Variants in DLG2 observed in about 807,000 individuals in gnomAD.
DLG2 encodes the protein discs large MAGUK scaffold protein 2.
In DLG2, 45 loss-of-function variants were observed where a neutral mutation model predicts 132.5. That is an observed-to-expected ratio of 0.34 (90% CI 0.27 to 0.44). The LOEUF is 0.44. DLG2 is among the 20% of genes least tolerant of loss of function. The pLI is 1.00. For missense variants in DLG2, 1,045 were observed against 1,196.9 expected (o/e 0.87, Z 1.87); for synonymous variants, 424 against 419.6 (o/e 1.01, Z -0.13).
intron 6 of DLG2, among the ~76,000 whole-genome samples, chr11:84,855,743 G>A (rs1195584842): frequency 6.6e-6 from 1 of 152,062 alleles, no homozygotes; most frequent in African/African-American, 2.4e-5. Flanking sequence ...TTACTGCTGA[G>A]TGACTGTTCT....
At chr11:83,516,407 C>T in intron 21 of DLG2, among the ~76,000 whole-genome samples, 1 of 152,114 alleles carries the variant, frequency 6.6e-6, no homozygotes, top group East Asian at 1.9e-4. Flanking sequence ...TTATTTTGAG[C>T]CTATGTGTGT....
At chr11:85,401,367 C>A (rs961624520) in intron 3 of DLG2, among the ~76,000 whole-genome samples, 1 of 152,050 alleles carries the variant, frequency 6.6e-6, no homozygotes, top group Non-Finnish European at 1.5e-5. Flanking sequence ...TTATGATAAA[C>A]CCACAGCCAA....
At chr11:83,568,938 A>G (rs2143358148) in intron 19 of DLG2, among the ~76,000 whole-genome samples, 1 of 152,318 alleles carries the variant, frequency 6.6e-6, no homozygotes, top group East Asian at 1.9e-4. Flanking sequence ...CCCTACTTCC[A>G]TAATCATTTA....
chr11:84,530,189 A>C (rs2099332290), intron 7 of DLG2, among the ~76,000 whole-genome samples: 2 of 152,130 alleles, frequency 1.3e-5, no homozygotes, highest in South Asian at 4.1e-4. Context: ...AACTATAAAC[A>C]CCCAGAAAGA....
chr11:83,465,536 T>A (rs2090861865), intron 26 of DLG2, among the ~76,000 whole-genome samples: 1 of 152,166 alleles, frequency 6.6e-6, no homozygotes, highest in South Asian at 2.1e-4. Context: ...AAGGCCCTCA[T>A]GACAGACACA....
intron 6 of DLG2, among the ~76,000 whole-genome samples, chr11:85,110,835 A>C (rs531005146): frequency 6.6e-6 from 1 of 152,220 alleles, no homozygotes; most frequent in African/African-American, 2.4e-5. Context: ...ATTGCCTACA[A>C]GGGGAGTCAA....
intron 6 of DLG2, among the ~76,000 whole-genome samples, chr11:84,564,940 T>TGTGA (rs1450306355): frequency 6.6e-6 from 1 of 152,204 alleles, no homozygotes; most frequent in Non-Finnish European, 1.5e-5. Context: ...TATATGACTG[T>TGTGA]GTGATACATA....
chr11:84,632,147 G>C (rs1443121425), intron 6 of DLG2, among the ~76,000 whole-genome samples: 1 of 152,130 alleles, frequency 6.6e-6, no homozygotes, highest in Non-Finnish European at 1.5e-5. Flanking sequence ...GAAGTTTGCT[G>C]TGTTGAAATA....
At chr11:83,905,695 A>G (rs1849025717) in intron 15 of DLG2, among the ~76,000 whole-genome samples, 1 of 152,112 alleles carries the variant, frequency 6.6e-6, no homozygotes, top group African/African-American at 2.4e-5. Context: ...TGCCTAATTT[A>G]TTGTTAAGCA....
intron 3 of DLG2, among the ~76,000 whole-genome samples, chr11:85,509,785 A>G (rs1012360056): frequency 1.3e-5 from 2 of 152,084 alleles, no homozygotes; most frequent in Admixed American, 6.6e-5. Context: ...TGAATCACTG[A>G]TGAATTAAAA....
At chr11:84,601,311 T>C (rs2099576115) in intron 6 of DLG2, among the ~76,000 whole-genome samples, 1 of 152,064 alleles carries the variant, frequency 6.6e-6, no homozygotes, top group Non-Finnish European at 1.5e-5. Flanking sequence ...ATAATAAAGA[T>C]AGGCATCAAC....
At chr11:84,838,537 G>T (rs1346024338) in intron 6 of DLG2, among the ~76,000 whole-genome samples, 1 of 151,864 alleles carries the variant, frequency 6.6e-6, no homozygotes, top group Non-Finnish European at 1.5e-5. Flanking sequence ...AAGAAATTTG[G>T]CAATATGCGT....
chr11:84,270,546 C>A (rs1409532351), intron 7 of DLG2, among the ~76,000 whole-genome samples: 3 of 152,152 alleles, frequency 2.0e-5, no homozygotes, highest in African/African-American at 7.2e-5. Context: ...TCCCTGGGGG[C>A]AGATTATATC....
intron 6 of DLG2, among the ~76,000 whole-genome samples, chr11:84,613,078 G>GC (rs2099598144): frequency 6.6e-6 from 1 of 152,116 alleles, no homozygotes; most frequent in South Asian, 2.1e-4. Context: ...CCGTGAGGCA[G>GC]TTGGGCTGAT....
At chr11:83,584,864 T>C (rs913648743) in intron 19 of DLG2, among the ~76,000 whole-genome samples, 1 of 152,204 alleles carries the variant, frequency 6.6e-6, no homozygotes, top group Non-Finnish European at 1.5e-5. Context: ...CTTTACTCAG[T>C]CAACTGTAGG....
intron 3 of DLG2, among the ~76,000 whole-genome samples, chr11:85,597,904 T>C (rs1006750047): frequency 6.6e-6 from 1 of 151,590 alleles, no homozygotes; most frequent in Non-Finnish European, 1.5e-5. Context: ...TGGTTGTTTT[T>C]TTGGGAAAAG....
chr11:85,544,375 T>C (rs570411394), intron 3 of DLG2, among the ~76,000 whole-genome samples: 3 of 152,306 alleles, frequency 2.0e-5, no homozygotes, highest in East Asian at 1.9e-4. Context: ...ACCAGTACCA[T>C]GCTGTTTTGG....
chr11:84,319,271 G>T (rs149282762), intron 7 of DLG2, among the ~76,000 whole-genome samples: 1 of 151,638 alleles, frequency 6.6e-6, no homozygotes, highest in African/African-American at 2.4e-5. Context: ...CTGTTGGGTC[G>T]AAGAAAACCC....
At chr11:84,301,836 T>C (rs1464007446) in intron 7 of DLG2, among the ~76,000 whole-genome samples, 2 of 152,132 alleles carry the variant, frequency 1.3e-5, no homozygotes, top group East Asian at 1.9e-4. Context: ...GACCCAGCAA[T>C]CCCATTACTG....
Sources: allele counts gnomAD v4.1 joint callset (sites outside exome capture counted in the v4.1 genomes callset), GRCh38; gene constraint gnomAD v4.1.1; transcripts MANE v1.5; gene names NCBI Gene and HGNC (gene_info 2026-07-23, HGNC 2026-07-21).